The following RBM42 variants were observed in gnomAD, a reference collection of about 807,000 sequenced individuals.
RBM42 encodes the protein RNA-binding protein 42.
In RBM42, 21 loss-of-function variants were observed where a neutral mutation model predicts 41.4. The observed-to-expected ratio is 0.51, with a 90% confidence interval of 0.36 to 0.73. The LOEUF (loss-of-function observed/expected upper bound fraction) is 0.73, where lower values mean the gene tolerates loss of function less well. RBM42 is among the 30% of genes least tolerant of loss of function. The pLI is 0.00. For synonymous variants in RBM42, 272 were observed against 271.2 expected (o/e 1.00, Z -0.03); for missense variants, 539 against 680.4 (o/e 0.79, Z 2.31).
Position 35,633,238 on chromosome 19 carries a change from C to G in RBM42, c.670C>G (p.Leu224Val). 6.3e-7 allele frequency: 1 copy of G among 1,589,902 alleles called. No individual in the cohort carries two copies. The highest frequency in any genetic ancestry group is 8.6e-7 in the Non-Finnish European group (1 of 1,169,404). ...GCCCCCGCTGGGCTCCATGGCTGCA[C>G]TGAGGCCCCCTCTGGTGAGTGTGAA... ...PGPPLGSMAA[L>V]RPPLEEPAAP... The change falls in exon 6 of 10, where the codon CTG (leucine) becomes GTG (valine). Residue 224 changes from leucine (L) to valine (V), a missense_variant. Transcript: ENST00000262633.
rs141208715 is a variant in RBM42 at position 35,634,498 on chromosome 19, G to T, written c.1135+125G>T. 6 of 640,176 alleles carry T rather than the reference G, an allele frequency of 9.4e-6. No homozygotes were observed. The East Asian group carries it at 1.6e-4, about 18-fold the overall frequency. The allele number at this position is 640,176 out of a possible 1,614,324, so 39.7% of individuals were successfully genotyped here. On this transcript the variant is annotated intron_variant, in intron 8 of 9. Coordinates refer to ENST00000262633, the MANE Select transcript of RBM42 (RefSeq NM_024321.5). ...GTGGGCGCTGTTGTTAGCCCACCTTGGGGAGGGGAGGCTATGGCTCAGGGG... is the reference window on the plus strand; with the variant it reads ...GTGGGCGCTGTTGTTAGCCCACCTTTGGGAGGGGAGGCTATGGCTCAGGGG...
Position 35,629,515 on chromosome 19 carries a change from T to A in RBM42, c.129-5T>A. 1 of 1,614,096 alleles carries A rather than the reference T, an allele frequency of 6.2e-7. No individual in the cohort carries two copies. Among genetic ancestry groups the A allele is most frequent in the Non-Finnish European group, 8.5e-7 (1 of 1,179,988 alleles). The stretch of plus-strand genomic sequence containing the variant: ...TGAGCGCTGATGTCTGTTCTACTCC[T>A]CCAGGTTTGAGCAGGAAGTTCTGGG... On this transcript the variant is annotated splice_polypyrimidine_tract_variant and splice_region_variant and intron_variant, in intron 1 of 9. Transcript: ENST00000262633.
chr19:35,633,388 C>A (rs1184202095), intron 6 of RBM42, 136 bp downstream of exon 6: 2 of 771,390 alleles, frequency 2.6e-6, no homozygotes, highest in Non-Finnish European at 4.2e-6. Flanking sequence ...GCCTTTGTCT[C>A]TGTCTCTTTC....
intron 2 of RBM42, 151 bp downstream of exon 2, chr19:35,629,824 TGA>T: frequency 2.5e-6 from 2 of 806,222 alleles, no homozygotes; most frequent in South Asian, 1.8e-5. Context: ...CAGTAATGAC[TGA>T]GAGAGACATT....
intron 8 of RBM42, 88 bp downstream of exon 8, chr19:35,634,461 C>G: frequency 1.1e-6 from 1 of 928,200 alleles, no homozygotes; most frequent in Non-Finnish European, 1.7e-6. Flanking sequence ...GAGGGTGAAC[C>G]CTCTCAGTAG....
intron 8 of RBM42, among the ~76,000 whole-genome samples, chr19:35,636,077 A>C (rs1478720496): frequency 6.6e-6 from 1 of 151,034 alleles, no homozygotes; most frequent in Non-Finnish European, 1.5e-5. Context: ...GGGACCGTCT[A>C]CCTGGCCCAG....
Position 35,637,382 on chromosome 19 carries a change from G to A in RBM42, c.1330+30G>A, listed in dbSNP as rs932379026. On this transcript the variant is annotated intron_variant, in intron 9 of 9. Coordinates refer to ENST00000262633, the MANE Select transcript of RBM42 (RefSeq NM_024321.5). This position sits in a 1 kb window ranked among gnomAD's most constrained non-coding sequence, Gnocchi z 7.0. ...GTGCGGCCTCCCCTGGGAACTGCAG[G>A]CGCGGCAGGCGCTGGCCTAAGCCTG... 5 of 1,613,288 alleles carry A rather than the reference G, an allele frequency of 3.1e-6. 1 individual carries two copies. The African/African-American group carries it at 6.7e-5, about 22-fold the overall frequency.
At chr19:35,630,726 A>G (rs1967390746) in intron 2 of RBM42, among the ~76,000 whole-genome samples, 1 of 152,188 alleles carries the variant, frequency 6.6e-6, no homozygotes, top group Admixed American at 6.5e-5. Flanking sequence ...AGCTCGTGCC[A>G]CTGCACTCCA....
chr19:35,630,022 A>C (rs1401842578), intron 2 of RBM42, among the ~76,000 whole-genome samples: 2 of 152,228 alleles, frequency 1.3e-5, no homozygotes, highest in Non-Finnish European at 2.9e-5. Context: ...ATTAAGATGA[A>C]AATAGGCTGG....
rs1308812897 is a variant in RBM42 at position 35,629,100 on chromosome 19, A to T, written c.-54A>T. 4 of 1,481,366 alleles carry T rather than the reference A, an allele frequency of 2.7e-6. No individual in the cohort carries two copies. 91.8% of individuals were successfully genotyped at this position (1,481,366 alleles called of 1,614,324 possible). The stretch of plus-strand genomic sequence containing the variant: ...AAGGGGGAGAGTAGACAGCAGAACC[A>T]GCGGCGGCGGCTAAGCAGAGACTGT... On this transcript the variant is annotated 5_prime_UTR_variant, in exon 1 of 10. Transcript: ENST00000262633.
chr19:35,629,103 G>GGCGGCGGCTAAGCAGAGACTGTAGTA lies in RBM42; in HGVS notation c.-44_-19dup, dbSNP rs1967357788. The stretch of plus-strand genomic sequence containing the variant: ...GGGGAGAGTAGACAGCAGAACCAGC[G>GGCGGCGGCTAAGCAGAGACTGTAGTA]GCGGCGGCTAAGCAGAGACTGTAGT... On this transcript the variant is annotated 5_prime_UTR_variant, in exon 1 of 10. Transcript: ENST00000262633. 1 of 1,479,432 alleles carries GGCGGCGGCTAAGCAGAGACTGTAGTA rather than the reference G, an allele frequency of 6.8e-7. No homozygotes were observed. Among genetic ancestry groups the GGCGGCGGCTAAGCAGAGACTGTAGTA allele is most frequent in the Non-Finnish European group, 8.9e-7 (1 of 1,118,844 alleles). The allele number at this position is 1,479,432 out of a possible 1,614,324, so 91.6% of individuals were successfully genotyped here.
Position 35,637,407 on chromosome 19 carries a change from G to A in RBM42, c.1331-35G>A, listed in dbSNP as rs1270224026. 1 of 1,613,378 alleles carries A rather than the reference G, an allele frequency of 6.2e-7. No individual in the cohort carries two copies. Among genetic ancestry groups the A allele is most frequent in the South Asian group, 1.1e-5 (1 of 91,020 alleles). ...GCGCGGCAGGCGCTGGCCTAAGCCT[G>A]ACCCGAGCCTGCCTTGAACCCTCTG... is the stretch of plus-strand genomic sequence containing the variant. On this transcript the variant is annotated intron_variant, in intron 9 of 9. Transcript: ENST00000262633. The surrounding 1 kb of genome is among the most constrained non-coding windows in gnomAD (Gnocchi z 7.0).
rs1967369276 is a variant in RBM42, at chr19:35,629,605, G to A, written c.214G>A (p.Val72Ile). The change falls in exon 2 of 10, where the codon GTA becomes ATA. Residue 72 changes from valine (V) to isoleucine (I), a missense_variant. Physicochemically the swap from Val to Ile is conservative, Grantham distance 29. Transcript: ENST00000262633. ...GCCCACTGTCCCCACGGTCCCCACAGTAGAAGCGATGCAGGTCCCAGCGGC... is the reference window on the plus strand; with the variant it reads ...GCCCACTGTCCCCACGGTCCCCACAATAGAAGCGATGCAGGTCCCAGCGGC... ...AVPTVPTVPT[V>I]EAMQVPAAPV... 1 of 1,614,122 alleles carries A rather than the reference G, an allele frequency of 6.2e-7. No homozygotes were observed. The highest frequency in any genetic ancestry group is 8.5e-7 in the Non-Finnish European group (1 of 1,180,050).
chr19:35,632,091 A>G (rs1238225994), intron 4 of RBM42, among the ~76,000 whole-genome samples: 1 of 152,196 alleles, frequency 6.6e-6, no homozygotes. Context: ...CTTGGATGTA[A>G]AATTCTGGTA....
intron 4 of RBM42, among the ~76,000 whole-genome samples, chr19:35,632,658 C>T (rs1250654184): frequency 6.6e-6 from 1 of 152,078 alleles, no homozygotes; most frequent in Admixed American, 6.5e-5. Flanking sequence ...GTCTCCATTC[C>T]CTCCTCCTCT....
rs778517576 is a variant in RBM42 at position 35,633,804 on chromosome 19, G to C, written c.802G>C (p.Val268Leu). 1.3e-6 allele frequency: 2 copies of C among 1,500,114 alleles called. No individual in the cohort carries two copies. Among genetic ancestry groups the C allele is most frequent in the Non-Finnish European group, 1.8e-6 (2 of 1,133,138 alleles). The allele number at this position is 1,500,114 out of a possible 1,614,324, so 92.9% of individuals were successfully genotyped here. Residue 268 changes from valine to leucine, a missense_variant, in exon 7 of 10, where the codon GTG (valine) becomes CTG (leucine). By Grantham distance (32) the Val-to-Leu change is conservative (BLOSUM62 1). Around this residue, in one of 2 missense-constraint regions of RBM42, gnomAD observed 429 missense variants for 488.9 expected, o/e 0.88. Transcript: ENST00000262633. Reference sequence around the variant, plus strand: ...GGAGGAGGCTAGCGCGGCTGTGGCCGTGGGGGCAGGAGGTGCCCCAGCTGG... The same window carrying C: ...GGAGGAGGCTAGCGCGGCTGTGGCCCTGGGGGCAGGAGGTGCCCCAGCTGG... ...GLEEASAAVA[V>L]GAGGAPAGPA...
chr19:35,629,640 C>G lies in RBM42; in HGVS notation c.249C>G (p.Ile83Met), dbSNP rs1164901605. ...EAMQVPAAPVIRPIIATNTYQ... is the reference protein window; with the variant it reads ...EAMQVPAAPVMRPIIATNTYQ... ...TGCAGGTCCCAGCGGCTCCTGTGAT[C>G]CGCCCAATTATCGCGACCAACACAT... Residue 83 changes from isoleucine (I) to methionine (M), a missense_variant, in exon 2 of 10, where the codon ATC (isoleucine) becomes ATG (methionine). This residue lies in a region of RBM42 where 429 missense variants were observed against 488.9 expected (regional missense o/e 0.88). Coordinates refer to ENST00000262633, the MANE Select transcript of RBM42 (RefSeq NM_024321.5). 1.9e-6 allele frequency: 3 copies of G among 1,614,080 alleles called. No individual in the cohort carries two copies. The Admixed American group carries it at 5.0e-5, about 27-fold the overall frequency.
At chr19:35,632,885 C>T in intron 4 of RBM42, 51 bp from the exon 5 acceptor site, 1 of 791,324 alleles carries the variant, frequency 1.3e-6, no homozygotes, top group Non-Finnish European at 2.3e-6. Context: ...ACACCTTGTC[C>T]CAAGTGCCCC....
chr19:35,634,069 A>G (rs933125712), intron 7 of RBM42, 50 bp downstream of exon 7: 22 of 1,470,504 alleles, frequency 1.5e-5, no homozygotes, highest in Middle Eastern at 2.1e-4. Flanking sequence ...GGGGGCAGAC[A>G]GGAGCCCAGG....
Sources: gnomAD v4.1 joint callset for allele counts (sites outside exome capture counted in the v4.1 genomes callset) on GRCh38, gnomAD v4.1.1 for gene constraint, gnomAD v4.1.1 regional missense constraint, Gnocchi (gnomAD v3.1) non-coding constraint, MANE v1.5 for transcripts, NCBI Gene and HGNC (gene_info 2026-07-23, HGNC 2026-07-21) for gene names.